PCCB: variants seen among roughly 807,000 people sequenced by gnomAD.
PCCB encodes the protein propionyl-CoA carboxylase beta chain, mitochondrial.
PCCB carries 43 observed loss-of-function variants against 60.7 expected under a neutral mutation model. The observed-to-expected ratio is 0.71, with a 90% confidence interval of 0.55 to 0.91. PCCB has a LOEUF of 0.91. PCCB is among the 40% of genes least tolerant of loss of function. The pLI is 0.00. For synonymous variants in PCCB, 276 were observed against 255.9 expected (o/e 1.08, Z -0.75); for missense variants, 766 against 702.8 (o/e 1.09, Z -1.02).
chr3:136,265,561 A>T (rs956947375), intron 5 of PCCB, among the ~76,000 whole-genome samples: 1 of 152,080 alleles, frequency 6.6e-6, no homozygotes, highest in Non-Finnish European at 1.5e-5. Context: ...GGATATTTGG[A>T]TTGTTTCTGG....
chr3:136,257,982 GTAGT>G (rs1214449953), intron 3 of PCCB, among the ~76,000 whole-genome samples: 1 of 152,072 alleles, frequency 6.6e-6, no homozygotes, highest in Non-Finnish European at 1.5e-5. Context: ...AAAATCTGTC[GTAGT>G]TAGTATGCAT....
intron 9 of PCCB, among the ~76,000 whole-genome samples, chr3:136,303,812 C>A (rs956845644): frequency 1.6e-5 from 2 of 121,926 alleles, no homozygotes; most frequent in Non-Finnish European, 3.7e-5. Context: ...CCATGTTGGC[C>A]AGGCTGGTCT....
At chr3:136,251,022 A>G (rs1398817888) in intron 1 of PCCB, among the ~76,000 whole-genome samples, 1 of 152,172 alleles carries the variant, frequency 6.6e-6, no homozygotes, top group Non-Finnish European at 1.5e-5. Context: ...GGCATACTCC[A>G]CTAACATGAA....
chr3:136,269,150 G>A (rs1942118712), intron 5 of PCCB, among the ~76,000 whole-genome samples: 1 of 152,104 alleles, frequency 6.6e-6, no homozygotes, highest in Admixed American at 6.6e-5. Flanking sequence ...GTGTTGTGGT[G>A]CATGCCTGTA....
At chr3:136,286,421 T>C (rs1472612081) in intron 6 of PCCB, among the ~76,000 whole-genome samples, 3 of 152,304 alleles carry the variant, frequency 2.0e-5, no homozygotes, top group Non-Finnish European at 4.4e-5. Flanking sequence ...ATTTGGACTT[T>C]AATGGGTATC....
intron 14 of PCCB, among the ~76,000 whole-genome samples, chr3:136,329,164 C>T (rs141536059): frequency 1.3e-5 from 2 of 152,358 alleles, no homozygotes; most frequent in East Asian, 1.9e-4. Context: ...GTTTCCCCCA[C>T]TGCTTATGGT....
Position 136,303,968 on chromosome 3 carries a change from TAAAC to T in PCCB, c.966+2860_966+2863del, listed in dbSNP as rs1320422021. On this transcript the variant is annotated intron_variant, in intron 9 of 14. Transcript: ENST00000251654. ...AGAAAATACCATAAACTGCATAGCT[TAAAC>T]AACAGAAATTTATTTTCTGTCAGTT... 1.7e-5 allele frequency among the ~76,000 whole-genome samples: 2 copies of T among 120,666 alleles called. 1 individual carries two copies. The highest frequency in any genetic ancestry group is 3.7e-5 in the Non-Finnish European group (2 of 54,472). The allele number at this position is 120,666 out of a possible 152,430, so 79.2% of individuals were successfully genotyped here. A position where few individuals can be genotyped will look rare whatever the true frequency, so the allele number is the denominator to read the frequency against.
rs1351486604 is a variant in PCCB at position 136,268,097 on chromosome 3, T to TATATATATAC, written c.543+6041_543+6042insCATATATATA. On this transcript the variant is annotated intron_variant, in intron 5 of 14. Transcript: ENST00000251654. ...GTGTGTGTGTGTGTAGATATATATA[T>TATATATATAC]ATATATATATATATATATATATATG... Among the ~76,000 whole-genome samples, 10 of 84,506 alleles carry TATATATATAC rather than the reference T, an allele frequency of 1.2e-4. No individual in the cohort carries two copies. The East Asian group carries it at 1.8e-3, about 16-fold the overall frequency. 55.4% of individuals were successfully genotyped at this position (84,506 alleles called of 152,430 possible). A position where few individuals can be genotyped will look rare whatever the true frequency, so the allele number is the denominator to read the frequency against.
chr3:136,325,216 A>T (rs1340541677), intron 10 of PCCB, among the ~76,000 whole-genome samples: 1 of 151,892 alleles, frequency 6.6e-6, no homozygotes, highest in Non-Finnish European at 1.5e-5. Context: ...TTAGAGACAG[A>T]GTGTCACTAT....
At chr3:136,297,020 G>A (rs184450203) in intron 7 of PCCB, among the ~76,000 whole-genome samples, 98 of 152,306 alleles carry the variant, frequency 6.4e-4, no homozygotes, top group African/African-American at 2.3e-3. Flanking sequence ...AAGGCAATAC[G>A]TGCTATGGAA....
intron 6 of PCCB, among the ~76,000 whole-genome samples, chr3:136,289,932 C>G (rs1190778774): frequency 6.6e-6 from 1 of 152,070 alleles, no homozygotes; most frequent in Non-Finnish European, 1.5e-5. Flanking sequence ...TTCCTTCCTC[C>G]TATCCCTCAT....
At chr3:136,285,850 C>T (rs900286162) in intron 6 of PCCB, among the ~76,000 whole-genome samples, 4 of 152,216 alleles carry the variant, frequency 2.6e-5, no homozygotes, top group African/African-American at 9.6e-5. Context: ...GAGACTTCCT[C>T]TCTTGTCCTC....
chr3:136,263,201 C>T (rs1410479673), intron 5 of PCCB, among the ~76,000 whole-genome samples: 2 of 151,296 alleles, frequency 1.3e-5, no homozygotes, highest in Non-Finnish European at 2.9e-5. Context: ...GATCCGCCCA[C>T]CTCGGCCTCC....
intron 5 of PCCB, among the ~76,000 whole-genome samples, chr3:136,264,440 G>GTGTGTGTATATATA: frequency 3.2e-5 from 4 of 123,856 alleles, no homozygotes; most frequent in African/African-American, 1.2e-4. Flanking sequence ...ATGTGTGTGT[G>GTGTGTGTATATATA]TATATATGTA....
At chr3:136,298,185 A>G in intron 8 of PCCB, 113 bp downstream of exon 8, 2 of 1,299,612 alleles carry the variant, frequency 1.5e-6, no homozygotes, top group Admixed American at 1.7e-5. Flanking sequence ...AGAGTGTGGT[A>G]GAGTGGCTCC....
chr3:136,269,135 G>T (rs1418688757), intron 5 of PCCB, among the ~76,000 whole-genome samples: 1 of 152,106 alleles, frequency 6.6e-6, no homozygotes, highest in African/African-American at 2.4e-5. Context: ...ACAAAAATTA[G>T]CCAGGTGTTG....
intron 6 of PCCB, 36 bp downstream of exon 6, chr3:136,283,983 G>C (rs1312907437): frequency 7.7e-7 from 1 of 1,294,136 alleles, no homozygotes; most frequent in Non-Finnish European, 1.1e-6. Context: ...TGCCGTTTGA[G>C]ATTTGTGCAG....
chr3:136,300,394 G>C (rs781273885), intron 8 of PCCB, among the ~76,000 whole-genome samples: 5 of 152,208 alleles, frequency 3.3e-5, no homozygotes, highest in African/African-American at 4.8e-5. Flanking sequence ...GGAGAGAAGA[G>C]GTTGGAGAGG....
chr3:136,286,012 A>T (rs1368236043), intron 6 of PCCB, among the ~76,000 whole-genome samples: 2 of 152,362 alleles, frequency 1.3e-5, no homozygotes, highest in African/African-American at 4.8e-5. Flanking sequence ...AAGAATAAAC[A>T]TTCTATGAAA....
Sources: gnomAD v4.1 joint callset for allele counts (sites outside exome capture counted in the v4.1 genomes callset) on GRCh38, gnomAD v4.1.1 for gene constraint, MANE v1.5 for transcripts, NCBI Gene and HGNC (gene_info 2026-07-23, HGNC 2026-07-21) for gene names.